Variants in SUN1 observed in about 807,000 individuals in gnomAD.
SUN1 encodes the protein SUN domain-containing protein 1.
In SUN1, 61 loss-of-function variants were observed where a neutral mutation model predicts 103.2. The observed-to-expected ratio is 0.59, with a 90% CI of 0.48 to 0.73. The LOEUF (loss-of-function observed/expected upper bound fraction) is 0.73, where lower values mean the gene tolerates loss of function less well. SUN1 is among the 30% of genes least tolerant of loss of function. The probability of loss-of-function intolerance (pLI) is 0.00; values close to 1 mark genes in which losing one functional copy is unlikely to be tolerated. For missense variants in SUN1, 1,052 were observed against 1,034.6 expected (o/e 1.02, Z -0.23); for synonymous variants, 490 against 425.7 (o/e 1.15, Z -1.86).
At chr7:869,743 A>C (rs1417191674) in intron 17 of SUN1, among the ~76,000 whole-genome samples, 1 of 152,198 alleles carries the variant, frequency 6.6e-6, no homozygotes, top group African/African-American at 2.4e-5. Context: ...TGACCAAGGT[A>C]GACACGCCTA....
intron 1 of SUN1, among the ~76,000 whole-genome samples, chr7:827,475 T>TG (rs1430175471): frequency 5.6e-5 from 8 of 142,880 alleles, no homozygotes; most frequent in Admixed American, 2.8e-4. Context: ...CGTTTTTTTT[T>TG]TTTTTTTTTT....
upstream of SUN1, among the ~76,000 whole-genome samples, chr7:829,098 T>C (rs550608545): frequency 6.6e-6 from 1 of 152,358 alleles, no homozygotes; most frequent in Non-Finnish European, 1.5e-5. Context: ...ACCGCACATC[T>C]ATGCAGAATG....
chr7:858,075 G>T (rs945310089), intron 13 of SUN1, 118 bp downstream of exon 13: 2 of 1,259,344 alleles, frequency 1.6e-6, no homozygotes, highest in Non-Finnish European at 2.1e-6. Flanking sequence ...TTTTGAAACC[G>T]AGTCTTGCTG....
At chr7:825,093 C>A (rs921966267) in intron 1 of SUN1, among the ~76,000 whole-genome samples, 1 of 151,376 alleles carries the variant, frequency 6.6e-6, no homozygotes, top group African/African-American at 2.4e-5. Context: ...GAGTCTTGCT[C>A]GGTCACCCAG....
intron 1 of SUN1, 45 bp downstream of exon 1, chr7:832,646 C>CCGCGACAGCGAGTGGGCA: frequency 6.6e-7 from 1 of 1,524,164 alleles, no homozygotes; most frequent in Non-Finnish European, 9.0e-7. Context: ...GCAATGCCCA[C>CCGCGACAGCGAGTGGGCA]TCGCTGTCGC....
chr7:852,933 G>A lies in SUN1; in HGVS notation c.1034G>A (p.Arg345His), dbSNP rs368549213. Residue 345 changes from arginine (R) to histidine (H), a missense_variant, in exon 9 of 19, where the codon CGC becomes CAC. Coordinates refer to ENST00000401592, the MANE Select transcript of SUN1 (RefSeq NM_001130965.3). ...GACGTGTTTAAACCCACGACTTCTC[G>A]CCTGAAGCAGCCTCTGCAGGTAAGA... ...PQDVFKPTTS[R>H]LKQPLQGDSE... 27 of 1,613,016 alleles carry A rather than the reference G, an allele frequency of 1.7e-5. No homozygotes were observed. The highest frequency in any genetic ancestry group is 3.3e-5 in the South Asian group (3 of 90,944).
rs202122012 is a variant in SUN1 at position 856,369 on chromosome 7, G to A, written c.1362G>A (p.Lys454=). ...KLREKSEAIQ[K]ELEQTKQKTI... is the part of the protein sequence containing the mutation. ...CTCATACTTTTTAGGCCATCCAGAAGGAACTAGAACAGACCAAGCAAAAAA... is the reference window on the plus strand; with the variant it reads ...CTCATACTTTTTAGGCCATCCAGAAAGAACTAGAACAGACCAAGCAAAAAA... The change falls in exon 12 of 19, where the codon AAG becomes AAA. Residue 454 remains lysine (K), a synonymous_variant. Transcript: ENST00000401592. The A allele has an allele frequency of 1.2e-6, 2 of 1,614,090 alleles. No homozygotes were observed. The highest frequency in any genetic ancestry group is 1.1e-5 in the South Asian group (1 of 91,078).
chr7:851,464 C>G lies in SUN1; in HGVS notation c.739C>G (p.Leu247Val), dbSNP rs1368322510. The change falls in exon 6 of 19, where the codon CTG becomes GTG. Residue 247 changes from leucine to valine, a missense_variant. Leu to Val is a conservative substitution (Grantham distance 32, BLOSUM62 1). Coordinates refer to ENST00000401592, the MANE Select transcript of SUN1 (RefSeq NM_001130965.3). ...CAGGACGGCGTGGTCGGCCCTTTGG[C>G]TGGCCGTGGTTGCTCCAGGTGGCTA... Reference protein sequence around the residue: ...VSRTAWSALWLAVVAPGKAAS... With the variant: ...VSRTAWSALWVAVVAPGKAAS... The G allele has an allele frequency of 6.2e-7, 1 of 1,607,606 alleles. No homozygotes were observed. The highest frequency in any genetic ancestry group is 1.7e-5 in the Admixed American group (1 of 59,098).
chr7:860,672 T>G (rs1445624629), intron 14 of SUN1, among the ~76,000 whole-genome samples: 3 of 152,254 alleles, frequency 2.0e-5, no homozygotes, highest in Non-Finnish European at 4.4e-5. Flanking sequence ...GCCTGTGTGG[T>G]GGCCACACCT....
chr7:859,075 C>T (rs1201114790), intron 13 of SUN1, among the ~76,000 whole-genome samples: 1 of 151,866 alleles, frequency 6.6e-6, no homozygotes. Context: ...ATTGCTTGAA[C>T]CCAGGAGGTG....
intron 1 of SUN1, chr7:817,194 G>T (rs1781444658): frequency 3.6e-6 from 2 of 550,942 alleles, no homozygotes; most frequent in African/African-American, 1.9e-5. Context: ...TCCTGAGCGC[G>T]AGCTATCCTC....
chr7:840,911 G>A (rs1319055557), intron 2 of SUN1, among the ~76,000 whole-genome samples: 1 of 152,010 alleles, frequency 6.6e-6, no homozygotes, highest in Non-Finnish European at 1.5e-5. Flanking sequence ...AAAGTGCTGG[G>A]ATTACAGGCA....
intron 2 of SUN1, among the ~76,000 whole-genome samples, chr7:839,846 G>T (rs373231013): frequency 4.5e-4 from 69 of 152,282 alleles, no homozygotes; most frequent in African/African-American, 1.5e-3. Flanking sequence ...GAGCCACTGC[G>T]CCCGGCCCAG....
intron 1 of SUN1, chr7:816,839 T>G (rs928275580): frequency 1.3e-5 from 2 of 149,390 alleles, no homozygotes; most frequent in Admixed American, 6.6e-5. Flanking sequence ...CCCCCGCCCG[T>G]CCCGCGCCCC....
chr7:830,578 C>G (rs913948963), upstream of SUN1, among the ~76,000 whole-genome samples: 3 of 97,240 alleles, frequency 3.1e-5, no homozygotes, highest in East Asian at 3.2e-4. Flanking sequence ...ATCACAGACT[C>G]CACATCCTCA....
intron 16 of SUN1, 192 bp from the exon 17 acceptor site, chr7:869,157 G>C (rs576344705): frequency 7.5e-6 from 5 of 667,768 alleles, no homozygotes; most frequent in Non-Finnish European, 1.3e-5. Context: ...ACAACATATG[G>C]GTTGGAGATA....
upstream of SUN1, chr7:831,033 G>C: frequency 2.0e-6 from 2 of 985,074 alleles, no homozygotes; most frequent in Admixed American, 6.1e-5. Flanking sequence ...GCTCCTCTGC[G>C]TGTGGGTTGA....
At chr7:869,606 C>T (rs1011623033) in intron 17 of SUN1, 90 bp downstream of exon 17, 6 of 1,422,856 alleles carry the variant, frequency 4.2e-6, no homozygotes, top group African/African-American at 1.4e-5. Flanking sequence ...CTGGGGACGG[C>T]TGCCTCCCGC....
intron 2 of SUN1, among the ~76,000 whole-genome samples, chr7:841,317 C>G (rs1809649979): frequency 6.9e-6 from 1 of 144,788 alleles, no homozygotes. Flanking sequence ...GATCTCAGAT[C>G]ACTGCAACCT....
Sources: gnomAD v4.1 joint callset for allele counts (sites outside exome capture counted in the v4.1 genomes callset) on GRCh38, gnomAD v4.1.1 for gene constraint, MANE v1.5 for transcripts, NCBI Gene and HGNC (gene_info 2026-07-23, HGNC 2026-07-21) for gene names.